Variants in RUNX1 observed in about 807,000 individuals in gnomAD.
RUNX1 encodes runt-related transcription factor 1.
Under a neutral mutation model 42.8 loss-of-function variants are expected in RUNX1, and 19 were observed. The ratio of observed to expected loss-of-function variants is 0.44; its 90% CI spans 0.31 to 0.65. The LOEUF is 0.65. RUNX1 is among the 30% of genes least tolerant of loss of function. The pLI is 0.07. For synonymous variants in RUNX1, 271 were observed against 289.4 expected, an observed-to-expected ratio of 0.94 and a Z score of 0.64; for missense variants, 528 against 672.0, an observed-to-expected ratio of 0.79 and a Z score of 2.37.
chr21:34,830,352 CT>C (rs1262335731), intron 7 of RUNX1, among the ~76,000 whole-genome samples: 5 of 152,162 alleles, frequency 3.3e-5, no homozygotes, highest in Non-Finnish European at 5.9e-5. Flanking sequence ...GTTTTCTTTT[CT>C]CCCAAACTTT....
chr21:34,846,136 T>TG (rs1351963251), intron 6 of RUNX1, among the ~76,000 whole-genome samples: 1 of 151,410 alleles, frequency 6.6e-6, no homozygotes, highest in African/African-American at 2.4e-5. Flanking sequence ...CAGCCAGCTT[T>TG]GGGAAGTTGG....
intron 7 of RUNX1, among the ~76,000 whole-genome samples, chr21:34,815,940 A>AG (rs1292444168): frequency 6.6e-6 from 1 of 152,120 alleles, no homozygotes; most frequent in Non-Finnish European, 1.5e-5. Flanking sequence ...GAAAGTGATG[A>AG]GGGCCAGAAA....
At chr21:34,959,512 C>A (rs1471042092) in intron 2 of RUNX1, among the ~76,000 whole-genome samples, 2 of 152,158 alleles carry the variant, frequency 1.3e-5, no homozygotes, top group African/African-American at 2.4e-5. Context: ...AAATAAACTA[C>A]AGATTCCTTT....
In RUNX1 at chr21:34,787,814, C is replaced by CT. The variant is rs1440807138; in HGVS notation, c.*4320dup. The CT allele has an allele frequency of 4.3e-6, 1 of 231,794 alleles. No individual in the cohort carries two copies. Among genetic ancestry groups the CT allele is most frequent in the Non-Finnish European group, 8.5e-6 (1 of 117,254 alleles). The allele number at this position is 231,794 out of a possible 1,614,324, so 14.4% of individuals were successfully genotyped here. A position where few individuals can be genotyped will look rare whatever the true frequency, so the allele number is the denominator to read the frequency against. The stretch of plus-strand genomic sequence containing the variant: ...AAACCAATTGGATATGGTGTATGTA[C>CT]TTGTCAAACTGTTTATTTGCCATTC... On this transcript the variant is annotated 3_prime_UTR_variant, in exon 9 of 9. Coordinates refer to ENST00000675419, the MANE Select transcript of RUNX1 (RefSeq NM_001754.5).
At chr21:34,943,989 T>A (rs576674473) in intron 2 of RUNX1, among the ~76,000 whole-genome samples, 1 of 152,330 alleles carries the variant, frequency 6.6e-6, no homozygotes, top group East Asian at 1.9e-4. Context: ...TAATTTCTTG[T>A]GCTTACTATA....
At chr21:34,953,372 A>G (rs1222248797) in intron 2 of RUNX1, among the ~76,000 whole-genome samples, 1 of 152,166 alleles carries the variant, frequency 6.6e-6, no homozygotes, top group East Asian at 1.9e-4. Flanking sequence ...AGTCGTGTGA[A>G]TAACTTCTGC....
chr21:34,873,418 T>C (rs145518295), intron 5 of RUNX1, among the ~76,000 whole-genome samples: 177 of 152,382 alleles, frequency 1.2e-3, no homozygotes, highest in African/African-American at 4.0e-3. Flanking sequence ...CCATACATTC[T>C]TAATGATGGT....
At chr21:34,886,273 A>G (rs1216011953) in intron 4 of RUNX1, among the ~76,000 whole-genome samples, 1 of 152,212 alleles carries the variant, frequency 6.6e-6, no homozygotes, top group African/African-American at 2.4e-5. Flanking sequence ...AACTCTTCAG[A>G]AAACTTTTGC....
intron 5 of RUNX1, among the ~76,000 whole-genome samples, chr21:34,878,832 T>G (rs58627244): frequency 0.011 from 1,662 of 152,316 alleles, 26 homozygotes; most frequent in African/African-American, 0.038. Context: ...TGGTTTACTG[T>G]GCATTGCCGG....
intron 2 of RUNX1, among the ~76,000 whole-genome samples, chr21:34,894,890 C>A (rs1232375362): frequency 3.2e-5 from 4 of 123,340 alleles, no homozygotes; most frequent in African/African-American, 1.7e-4. Context: ...AACACACACA[C>A]ACACACACAC....
intron 5 of RUNX1, among the ~76,000 whole-genome samples, chr21:34,867,576 T>A (rs1346801626): frequency 6.6e-6 from 1 of 152,162 alleles, no homozygotes; most frequent in Admixed American, 6.5e-5. Context: ...GGGGAAAAGC[T>A]CAGGTTTGCA....
intron 2 of RUNX1, among the ~76,000 whole-genome samples, chr21:34,986,989 C>T (rs936311911): frequency 6.6e-5 from 10 of 152,188 alleles, no homozygotes; most frequent in Non-Finnish European, 1.2e-4. Context: ...CCAATGGGAC[C>T]GACATGATTG....
intron 2 of RUNX1, among the ~76,000 whole-genome samples, chr21:35,036,105 C>T (rs187459625): frequency 2.0e-5 from 3 of 152,136 alleles, no homozygotes; most frequent in South Asian, 2.1e-4. Flanking sequence ...GGTGGGCCAC[C>T]GAGCCCTGGC....
At chr21:34,832,525 G>A (rs1018735711) in intron 7 of RUNX1, among the ~76,000 whole-genome samples, 2 of 152,130 alleles carry the variant, frequency 1.3e-5, no homozygotes, top group Non-Finnish European at 2.9e-5. Flanking sequence ...GTTAGGCAAC[G>A]AGAGACTAAG....
At chr21:34,811,758 G>A (rs1246432677) in intron 7 of RUNX1, among the ~76,000 whole-genome samples, 5 of 152,232 alleles carry the variant, frequency 3.3e-5, no homozygotes, top group East Asian at 3.9e-4. Flanking sequence ...CTGGAGACAT[G>A]CCATTCCTGT....
intron 2 of RUNX1, among the ~76,000 whole-genome samples, chr21:34,938,582 C>T (rs1172720134): frequency 1.3e-5 from 2 of 152,022 alleles, no homozygotes; most frequent in Non-Finnish European, 2.9e-5. Context: ...CTTCCTCCTT[C>T]TTTTATTCTT....
intron 7 of RUNX1, among the ~76,000 whole-genome samples, chr21:34,801,525 T>G (rs1282826679): frequency 1.3e-5 from 2 of 152,228 alleles, no homozygotes; most frequent in Non-Finnish European, 1.5e-5. Context: ...GTTTTTTTGT[T>G]TTTTAAAGAC....
chr21:34,918,685 G>A (rs1326504940), intron 2 of RUNX1, among the ~76,000 whole-genome samples: 4 of 152,198 alleles, frequency 2.6e-5, no homozygotes, highest in Non-Finnish European at 4.4e-5. Context: ...CAAGGCAGGT[G>A]GATCACAAGG....
chr21:34,901,438 G>A lies in RUNX1; in HGVS notation c.59-8475C>T, dbSNP rs1447946761. Among the ~76,000 whole-genome samples the A allele has an allele frequency of 5.9e-5, 9 of 152,086 alleles. No homozygotes were observed. The highest frequency in any genetic ancestry group is 1.9e-4 in the East Asian group (1 of 5,192). On this transcript the variant is annotated intron_variant, in intron 2 of 8. Coordinates refer to ENST00000675419, the MANE Select transcript of RUNX1 (RefSeq NM_001754.5). This position sits in a 1 kb window ranked among gnomAD's most constrained non-coding sequence, Gnocchi z 4.3. The stretch of plus-strand genomic sequence containing the variant: ...TAAGGCGGGAGAATCGCTTGAACTC[G>A]GAAGGCGGAGGTTGCAGTGAGCTGA...
Sources: gnomAD v4.1 joint callset for allele counts (sites outside exome capture counted in the v4.1 genomes callset) on GRCh38, gnomAD v4.1.1 for gene constraint, Gnocchi (gnomAD v3.1) non-coding constraint, MANE v1.5 for transcripts, NCBI Gene and HGNC (gene_info 2026-07-23, HGNC 2026-07-21) for gene names.